The following CRABP1 variants were observed in gnomAD, a reference collection of about 807,000 sequenced individuals.
CRABP1 encodes cellular retinoic acid binding protein 1, also known as cellular retinoic acid-binding protein 1.
Under a neutral mutation model 16.4 loss-of-function variants are expected in CRABP1, and 9 were observed. The ratio of observed to expected loss-of-function variants is 0.55; its 90% CI spans 0.33 to 0.96. The LOEUF (loss-of-function observed/expected upper bound fraction) is 0.96. CRABP1 is among the 40% of genes least tolerant of loss of function. The probability of loss-of-function intolerance (pLI) is 0.03; values close to 1 mark genes in which losing one functional copy is unlikely to be tolerated. For synonymous variants in CRABP1, 72 were observed against 70.4 expected (o/e 1.02, Z -0.11); for missense variants, 157 against 186.0 (o/e 0.84, Z 0.91).
chr15:78,343,490 C>T lies in CRABP1; in HGVS notation c.250-9C>T, dbSNP rs991375147. Reference sequence around the variant, plus strand: ...TAATTAATGTCACTAATGGTTTTCCCGCCTGCAGAGTTTAGCCACTTGGGA... The same window carrying T: ...TAATTAATGTCACTAATGGTTTTCCTGCCTGCAGAGTTTAGCCACTTGGGA... On this transcript the variant is annotated splice_polypyrimidine_tract_variant and intron_variant, in intron 2 of 3. Coordinates refer to ENST00000299529, the MANE Select transcript of CRABP1 (RefSeq NM_004378.3). The T allele has an allele frequency of 5.6e-6, 9 of 1,609,628 alleles. No homozygotes were observed. Among genetic ancestry groups the T allele is most frequent in the East Asian group, 2.2e-5 (1 of 44,886 alleles).
In CRABP1 at chr15:78,347,929, G is replaced by T; in HGVS notation, c.366G>T (p.Thr122=). 1 of 1,614,122 alleles carries T rather than the reference G, an allele frequency of 6.2e-7. No individual in the cohort carries two copies. The highest frequency in any genetic ancestry group is 1.1e-5 in the South Asian group (1 of 91,084). ...RELANDELIL[T]FGADDVVCTR... is the part of the protein sequence containing the mutation. Reference sequence around the variant, plus strand: ...TTTCCTTTTCTTCTTCTCTGCAGACGTTTGGCGCCGATGACGTGGTCTGCA... The same window carrying T: ...TTTCCTTTTCTTCTTCTCTGCAGACTTTTGGCGCCGATGACGTGGTCTGCA... Residue 122 remains threonine (T), a splice_region_variant and synonymous_variant, in exon 4 of 4, where the codon ACG becomes ACT. Coordinates refer to ENST00000299529, the MANE Select transcript of CRABP1 (RefSeq NM_004378.3).
intron 1 of CRABP1, 94 bp from the exon 2 acceptor site, chr15:78,340,949 C>T: frequency 7.9e-7 from 1 of 1,271,122 alleles, no homozygotes; most frequent in Non-Finnish European, 1.1e-6. Context: ...AATTTTAAGG[C>T]CCCTTTCTAA....
intron 3 of CRABP1, among the ~76,000 whole-genome samples, chr15:78,344,501 C>G (rs2050254383): frequency 6.6e-6 from 1 of 151,980 alleles, no homozygotes; most frequent in South Asian, 2.1e-4. Context: ...AACACCTGCT[C>G]CTAGCCAAAC....
In CRABP1 at chr15:78,347,015, A is replaced by G. The variant is rs369660076; in HGVS notation, c.364-912A>G. On this transcript the variant is annotated intron_variant, in intron 3 of 3. Transcript: ENST00000299529. ...TTTGTTTTTTTTTTTTTTAACATAC[A>G]TATTGCTTTCCCTGTTCTAACTGCC... 4.4e-3 allele frequency among the ~76,000 whole-genome samples: 663 copies of G among 149,924 alleles called. 10 individuals are homozygous for G. The highest frequency in any genetic ancestry group is 0.016 in the African/African-American group (633 of 40,566).
chr15:78,344,845 G>C (rs932360171), intron 3 of CRABP1, among the ~76,000 whole-genome samples: 2 of 151,650 alleles, frequency 1.3e-5, no homozygotes, highest in Admixed American at 1.3e-4. Flanking sequence ...GAGCCCAGGA[G>C]TTTGAGGCTG....
chr15:78,342,091 G>A (rs1002343722), intron 2 of CRABP1, among the ~76,000 whole-genome samples: 2 of 151,892 alleles, frequency 1.3e-5, no homozygotes, highest in East Asian at 1.9e-4. Context: ...GTCTGATCTC[G>A]GAATGGGACT....
intron 3 of CRABP1, among the ~76,000 whole-genome samples, chr15:78,344,587 G>T (rs1282836068): frequency 6.6e-6 from 1 of 151,934 alleles, no homozygotes; most frequent in Non-Finnish European, 1.5e-5. Context: ...TTTAGGTAGA[G>T]AACAAAGGAA....
intron 3 of CRABP1, among the ~76,000 whole-genome samples, chr15:78,344,105 G>A (rs139815759): frequency 3.3e-5 from 5 of 152,262 alleles, no homozygotes; most frequent in African/African-American, 7.2e-5. Context: ...TGGGAGCCAG[G>A]CAATGAATGC....
intron 1 of CRABP1, 57 bp from the exon 2 acceptor site, chr15:78,340,986 G>T (rs2050229911): frequency 1.9e-6 from 3 of 1,551,404 alleles, no homozygotes; most frequent in Admixed American, 3.5e-5. Flanking sequence ...GTGCCCGACC[G>T]GTCCCGAGAC....
intron 3 of CRABP1, among the ~76,000 whole-genome samples, chr15:78,344,194 A>G (rs1391866016): frequency 6.6e-6 from 1 of 152,184 alleles, no homozygotes; most frequent in Non-Finnish European, 1.5e-5. Flanking sequence ...GCTTTTCCTT[A>G]AAAGTATTCA....
intron 3 of CRABP1, among the ~76,000 whole-genome samples, chr15:78,347,555 CTTCT>C (rs1222079104): frequency 6.6e-6 from 1 of 152,196 alleles, no homozygotes; most frequent in Non-Finnish European, 1.5e-5. Flanking sequence ...GCTGCCTGAG[CTTCT>C]TTCTATCTTG....
intron 3 of CRABP1, among the ~76,000 whole-genome samples, chr15:78,344,232 G>C (rs117986181): frequency 6.6e-6 from 1 of 152,106 alleles, no homozygotes; most frequent in Admixed American, 6.6e-5. Flanking sequence ...GGGCCAAAGC[G>C]GGTGGATCAC....
rs201099878 is a variant in CRABP1 at position 78,347,935 on chromosome 15, C to T, written c.372C>T (p.Gly124=). The T allele has an allele frequency of 1.9e-5, 30 of 1,614,108 alleles. No homozygotes were observed. In the Admixed American group the frequency reaches 3.7e-4, roughly 20 times the overall value. ...LANDELILTF[G]ADDVVCTRIY... ...TTTCTTCTTCTCTGCAGACGTTTGG[C>T]GCCGATGACGTGGTCTGCACCAGAA... Residue 124 remains glycine (G), a synonymous_variant, in exon 4 of 4, where the codon GGC becomes GGT. Coordinates refer to ENST00000299529, the MANE Select transcript of CRABP1 (RefSeq NM_004378.3).
chr15:78,342,975 C>A (rs932027271), intron 2 of CRABP1, among the ~76,000 whole-genome samples: 1 of 151,952 alleles, frequency 6.6e-6, no homozygotes, highest in Non-Finnish European at 1.5e-5. Context: ...ATTAGCTGGG[C>A]GTGGTGGCAG....
intron 3 of CRABP1, among the ~76,000 whole-genome samples, chr15:78,345,661 C>T (rs2050261449): frequency 1.3e-5 from 2 of 152,132 alleles, no homozygotes; most frequent in South Asian, 2.1e-4. Context: ...CTTTCAAATC[C>T]TCCCTCCTCC....
Position 78,347,972 on chromosome 15 carries a change from G to C in CRABP1, c.409G>C (p.Glu137Gln), listed in dbSNP as rs538290276. 5.8e-5 allele frequency: 94 copies of C among 1,614,146 alleles called. 1 individual carries two copies. The South Asian group carries it at 1.0e-3, about 17-fold the overall frequency. Residue 137 changes from glutamate to glutamine, a missense_variant, in exon 4 of 4, where the codon GAG (glutamate) becomes CAG (glutamine). Coordinates refer to ENST00000299529, the MANE Select transcript of CRABP1 (RefSeq NM_004378.3). ...DVVCTRIYVRE is the reference protein window; with the variant it reads ...DVVCTRIYVRQ ...GGTCTGCACCAGAATTTATGTCCGA[G>C]AGTGAAGGCAGCTGGCTTGCTCCTA...
chr15:78,343,750 C>A, intron 3 of CRABP1, 138 bp downstream of exon 3: 1 of 636,230 alleles, frequency 1.6e-6, no homozygotes, highest in Non-Finnish European at 2.7e-6. Flanking sequence ...GAGCAGAAAA[C>A]CCGAGATGAC....
intron 3 of CRABP1, among the ~76,000 whole-genome samples, chr15:78,347,025 C>T (rs771100113): frequency 1.3e-5 from 2 of 149,598 alleles, no homozygotes; most frequent in African/African-American, 5.0e-5. Context: ...ATATTGCTTT[C>T]CCTGTTCTAA....
At chr15:78,344,413 T>C (rs2050253058) in intron 3 of CRABP1, among the ~76,000 whole-genome samples, 1 of 151,566 alleles carries the variant, frequency 6.6e-6, no homozygotes, top group Non-Finnish European at 1.5e-5. Flanking sequence ...TGAGCTGAGA[T>C]GGCACCACTG....
Sources: allele counts gnomAD v4.1 joint callset (sites outside exome capture counted in the v4.1 genomes callset), GRCh38; gene constraint gnomAD v4.1.1; transcripts MANE v1.5; gene names NCBI Gene and HGNC (gene_info 2026-07-23, HGNC 2026-07-21).